Variants in ENOX1 observed in about 807,000 individuals in gnomAD.
The protein encoded by ENOX1 is candidate growth-related and time keeping constitutive hydroquinone (NADH) oxidase.
Under a neutral mutation model 82.5 loss-of-function variants are expected in ENOX1, and 42 were observed. The observed-to-expected ratio is 0.51, with a 90% confidence interval of 0.40 to 0.66. The LOEUF is 0.66. Among genes scored for constraint, ENOX1 ranks in the 30% least tolerant of loss-of-function variants. The pLI is 0.00. For missense variants in ENOX1, 608 were observed against 811.6 expected (o/e 0.75, Z 3.05); for synonymous variants, 271 against 282.2 (o/e 0.96, Z 0.40).
chr13:43,623,762 C>T (rs562261747), intron 2 of ENOX1, among the ~76,000 whole-genome samples: 40 of 152,084 alleles, frequency 2.6e-4, no homozygotes, highest in Non-Finnish European at 4.9e-4. Flanking sequence ...TGATCCCGCT[C>T]CTCCTTTTCA....
At chr13:43,534,912 A>C (rs966995895) in intron 2 of ENOX1, among the ~76,000 whole-genome samples, 4 of 152,342 alleles carry the variant, frequency 2.6e-5, no homozygotes, top group Admixed American at 2.6e-4. Context: ...GTCTGATGTC[A>C]AATGCATGCT....
At chr13:43,363,808 T>C (rs928831154) in intron 5 of ENOX1, among the ~76,000 whole-genome samples, 1 of 152,218 alleles carries the variant, frequency 6.6e-6, no homozygotes, top group Non-Finnish European at 1.5e-5. Flanking sequence ...CTGTTTTCTT[T>C]CTGAAGGCTA....
chr13:43,295,039 C>T (rs934001749), intron 12 of ENOX1, among the ~76,000 whole-genome samples: 3 of 152,096 alleles, frequency 2.0e-5, no homozygotes, highest in African/African-American at 4.8e-5. Context: ...GTGGTGGTTA[C>T]GTGACTGTAT....
intron 12 of ENOX1, among the ~76,000 whole-genome samples, chr13:43,276,943 T>G (rs552826521): frequency 2.0e-3 from 302 of 152,324 alleles, no homozygotes; most frequent in African/African-American, 7.0e-3. Context: ...GGGATGAAAC[T>G]GCACTCAATT....
At chr13:43,784,545 TGTACAAAGATA>T (rs1458243640) in intron 1 of ENOX1, among the ~76,000 whole-genome samples, 3 of 152,234 alleles carry the variant, frequency 2.0e-5, no homozygotes, top group Non-Finnish European at 4.4e-5. Flanking sequence ...GCTACCAATG[TGTACAAAGATA>T]ATTCAAAGAG....
chr13:43,461,538 A>G (rs918203087), intron 3 of ENOX1, among the ~76,000 whole-genome samples: 6 of 152,210 alleles, frequency 3.9e-5, no homozygotes, highest in Admixed American at 1.3e-4. Context: ...GGACTCTATA[A>G]GTAGAATATA....
intron 2 of ENOX1, among the ~76,000 whole-genome samples, chr13:43,558,409 A>C (rs2079533095): frequency 6.6e-6 from 1 of 152,188 alleles, no homozygotes; most frequent in African/African-American, 2.4e-5. Context: ...CTGGTTGTTC[A>C]CTTCCTTAAG....
chr13:43,599,959 CTTGGGTAATTCATCACATGCTGACT>C (rs2081631617), intron 2 of ENOX1, among the ~76,000 whole-genome samples: 1 of 151,856 alleles, frequency 6.6e-6, no homozygotes, highest in Non-Finnish European at 1.5e-5. Flanking sequence ...AGGACCCAAT[CTTGGGTAATTCATCACATGCTGACT>C]AAAGAGCACT....
chr13:43,259,599 C>A (rs776264952), intron 14 of ENOX1, among the ~76,000 whole-genome samples: 1 of 152,128 alleles, frequency 6.6e-6, no homozygotes, highest in Non-Finnish European at 1.5e-5. Flanking sequence ...CTCAGCCTCC[C>A]GAGTAGCTGG....
chr13:43,361,346 T>C lies in ENOX1; in HGVS notation c.315A>G (p.Pro105=). The change falls in exon 6 of 17, where the codon CCA becomes CCG. Residue 105 remains proline, a synonymous_variant. Coordinates refer to ENST00000690772, the MANE Select transcript of ENOX1 (RefSeq NM_001347969.2). ...TTTCTTTGACAACAGCCACTTCTGT[T>C]GGTGGTGGGGGAGGTACCAGTCCAA... The part of the protein sequence containing the change: ...PGLGLVPPPP[P]TEVAVVKEII... The C allele has an allele frequency of 6.2e-7, 1 of 1,614,030 alleles. No individual in the cohort carries two copies. The highest frequency in any genetic ancestry group is 8.5e-7 in the Non-Finnish European group (1 of 1,179,978).
At chr13:43,406,607 C>T (rs2053812931) in intron 5 of ENOX1, among the ~76,000 whole-genome samples, 1 of 151,736 alleles carries the variant, frequency 6.6e-6, no homozygotes, top group Admixed American at 6.6e-5. Context: ...ATTCTCCTGC[C>T]TCAGCCTCCC....
chr13:43,724,537 G>C (rs761113504), intron 1 of ENOX1, among the ~76,000 whole-genome samples: 14 of 152,172 alleles, frequency 9.2e-5, no homozygotes, highest in Non-Finnish European at 1.8e-4. Context: ...TATGCACAAG[G>C]ACCATTTTAC....
At chr13:43,616,697 A>C (rs1288694436) in intron 2 of ENOX1, among the ~76,000 whole-genome samples, 4 of 152,154 alleles carry the variant, frequency 2.6e-5, no homozygotes, top group Non-Finnish European at 5.9e-5. Flanking sequence ...ATTTAACATG[A>C]TTAAATTTAA....
At chr13:43,695,307 G>T (rs2086577613) in intron 1 of ENOX1, among the ~76,000 whole-genome samples, 1 of 151,948 alleles carries the variant, frequency 6.6e-6, no homozygotes, top group East Asian at 1.9e-4. Context: ...CTAAGTAGGG[G>T]TTACCTAACC....
At chr13:43,528,468 C>G (rs537866285) in intron 2 of ENOX1, among the ~76,000 whole-genome samples, 1 of 152,196 alleles carries the variant, frequency 6.6e-6, no homozygotes, top group South Asian at 2.1e-4. Context: ...ACCAAAAGCA[C>G]ATAGATGAGA....
Position 43,298,357 on chromosome 13 carries a change from C to G in ENOX1, c.1435G>C (p.Gly479Arg), listed in dbSNP as rs138978304. 1,489 of 1,608,444 alleles carry G rather than the reference C, an allele frequency of 9.3e-4. No homozygotes were observed. Among genetic ancestry groups the G allele is most frequent in the Non-Finnish European group, 1.2e-3 (1,406 of 1,178,290 alleles). Reference protein sequence around the residue: ...QLQFLQQTMQGMQQQLLTIQE... With the variant: ...QLQFLQQTMQRMQQQLLTIQE... ...TCTGGGCCAGGTACCTGCTGCATGCCTTGCATGGTTTGCTGCAGAAACTGC... is the reference window on the plus strand; with the variant it reads ...TCTGGGCCAGGTACCTGCTGCATGCGTTGCATGGTTTGCTGCAGAAACTGC... The change falls in exon 12 of 17, where the codon GGC becomes CGC. Residue 479 changes from glycine (G) to arginine (R), a missense_variant. By Grantham distance (125) the Gly-to-Arg change is moderately radical. Transcript: ENST00000690772.
At chr13:43,288,927 A>T (rs1455474939) in intron 12 of ENOX1, among the ~76,000 whole-genome samples, 3 of 152,202 alleles carry the variant, frequency 2.0e-5, no homozygotes, top group Non-Finnish European at 2.9e-5. Flanking sequence ...CACCAACAAC[A>T]TCCAGGCTGA....
At position 43,359,836 on chromosome 13, in the gene ENOX1, T is replaced by A. The variant is rs1306721821; in HGVS notation, c.589+15A>T. The A allele has an allele frequency of 9.9e-6, 16 of 1,611,328 alleles. No homozygotes were observed. Among genetic ancestry groups the A allele is most frequent in the Non-Finnish European group, 1.4e-5 (16 of 1,177,684 alleles). Reference sequence around the variant, plus strand: ...AACAAAATGCCTAGAAAACTCCTTATGTAATGCAAAGTACCAGAAAGGTAA... The same window carrying A: ...AACAAAATGCCTAGAAAACTCCTTAAGTAATGCAAAGTACCAGAAAGGTAA... On this transcript the variant is annotated intron_variant, in intron 7 of 16. Coordinates refer to ENST00000690772, the MANE Select transcript of ENOX1 (RefSeq NM_001347969.2).
intron 3 of ENOX1, among the ~76,000 whole-genome samples, chr13:43,477,725 G>T (rs186286533): frequency 6.6e-6 from 1 of 151,994 alleles, no homozygotes; most frequent in Non-Finnish European, 1.5e-5. Context: ...TCTTTATGGG[G>T]TGTGAATATG....
Sources: gnomAD v4.1 joint callset for allele counts (sites outside exome capture counted in the v4.1 genomes callset) on GRCh38, gnomAD v4.1.1 for gene constraint, MANE v1.5 for transcripts, NCBI Gene and HGNC (gene_info 2026-07-23, HGNC 2026-07-21) for gene names.